Variants in FARS2 observed in about 807,000 individuals in gnomAD.
FARS2 encodes the protein phenylalanyl-tRNA synthetase 2, mitochondrial.
Under a neutral mutation model 46.4 loss-of-function variants are expected in FARS2, and 40 were observed. That is an observed-to-expected ratio of 0.86 (90% CI 0.67 to 1.12). The LOEUF (loss-of-function observed/expected upper bound fraction) is 1.12. Ranked by LOEUF, FARS2 falls within the 50% of genes most tolerant of loss-of-function variation. The pLI is 0.00. For missense variants in FARS2, 513 were observed against 567.9 expected (o/e 0.90, Z 0.98); for synonymous variants, 234 against 214.9 (o/e 1.09, Z -0.78).
chr6:5,443,745 G>T (rs958063227), intron 4 of FARS2, among the ~76,000 whole-genome samples: 1 of 152,216 alleles, frequency 6.6e-6, no homozygotes, highest in Non-Finnish European at 1.5e-5. Flanking sequence ...TTGATCAGCT[G>T]TAGCTGGCTG....
intron 6 of FARS2, among the ~76,000 whole-genome samples, chr6:5,736,682 A>ATT (rs1561830024): frequency 3.4e-4 from 52 of 151,746 alleles, no homozygotes; most frequent in African/African-American, 1.1e-3. Context: ...TTTTTTTTAA[A>ATT]AAATTGCATG....
In FARS2 at chr6:5,719,093, G is replaced by A. The variant is rs1316144818; in HGVS notation, c.1218-52198G>A. Among the ~76,000 whole-genome samples the A allele has an allele frequency of 5.9e-5, 9 of 152,228 alleles. No homozygotes were observed. In the South Asian group the frequency reaches 1.5e-3, roughly 25 times the overall value. The stretch of plus-strand genomic sequence containing the variant: ...TTTAGTTATGCTCATCTGAAGTAAA[G>A]GCTGCCTGACTGGGTGCAGTAGCTC... On this transcript the variant is annotated intron_variant, in intron 6 of 6. Coordinates refer to ENST00000274680, the MANE Select transcript of FARS2 (RefSeq NM_006567.5).
chr6:5,595,180 TTTC>T (rs1260829748), intron 5 of FARS2, among the ~76,000 whole-genome samples: 1 of 152,204 alleles, frequency 6.6e-6, no homozygotes, highest in Non-Finnish European at 1.5e-5. Context: ...TTTCTTCTTG[TTTC>T]TTCCTCTCTA....
chr6:5,291,072 A>G (rs371708532), intron 1 of FARS2: 1 of 152,234 alleles, frequency 6.6e-6, no homozygotes, highest in African/African-American at 2.4e-5. Context: ...TGAAGCATAT[A>G]GTGTATATAA....
intron 5 of FARS2, among the ~76,000 whole-genome samples, chr6:5,564,139 T>A (rs574595405): frequency 2.3e-4 from 35 of 152,304 alleles, no homozygotes; most frequent in Admixed American, 2.0e-3. Context: ...GTCCAATATT[T>A]CAGTTAGAAG....
chr6:5,269,176 A>G (rs1330849421), intron 1 of FARS2, among the ~76,000 whole-genome samples: 2 of 152,358 alleles, frequency 1.3e-5, no homozygotes, highest in South Asian at 2.1e-4. Context: ...GGATGAGTTC[A>G]TGCCCTTTGT....
chr6:5,763,236 G>T (rs987193207), intron 6 of FARS2, among the ~76,000 whole-genome samples: 1 of 152,170 alleles, frequency 6.6e-6, no homozygotes, highest in Non-Finnish European at 1.5e-5. Context: ...AGGATTGCTT[G>T]AGCCTAGGAG....
At chr6:5,745,053 A>G (rs2150956924) in intron 6 of FARS2, among the ~76,000 whole-genome samples, 1 of 152,360 alleles carries the variant, frequency 6.6e-6, no homozygotes, top group East Asian at 1.9e-4. Flanking sequence ...TCATGCCACA[A>G]TGAGCATCCA....
chr6:5,386,039 C>CTA (rs1760111918), intron 2 of FARS2, among the ~76,000 whole-genome samples: 2 of 152,100 alleles, frequency 1.3e-5, no homozygotes, highest in African/African-American at 2.4e-5. Context: ...AGTGTTGTTC[C>CTA]TATATATATA....
intron 3 of FARS2, among the ~76,000 whole-genome samples, chr6:5,430,826 C>T (rs1329607456): frequency 3.3e-5 from 5 of 152,064 alleles, no homozygotes; most frequent in African/African-American, 9.7e-5. Flanking sequence ...CCTGGAATTA[C>T]GCAAAGTGTT....
chr6:5,305,382 C>A (rs7765867), intron 1 of FARS2, among the ~76,000 whole-genome samples: 25,142 of 152,118 alleles, frequency 0.17, 4,972 homozygotes, highest in African/African-American at 0.48. Flanking sequence ...ACTACTTTAT[C>A]CTCATAGTCC....
intron 4 of FARS2, among the ~76,000 whole-genome samples, chr6:5,544,591 G>C (rs1770845273): frequency 6.6e-6 from 1 of 152,180 alleles, no homozygotes; most frequent in Non-Finnish European, 1.5e-5. Flanking sequence ...CTTTGGAGTA[G>C]GTGGTGCTAG....
At chr6:5,632,753 T>C (rs1012527033) in intron 6 of FARS2, among the ~76,000 whole-genome samples, 1 of 152,178 alleles carries the variant, frequency 6.6e-6, no homozygotes, top group Non-Finnish European at 1.5e-5. Context: ...GAACATCTTT[T>C]AATGTGCTTT....
At chr6:5,606,615 A>C (rs1160923697) in intron 5 of FARS2, among the ~76,000 whole-genome samples, 1 of 152,176 alleles carries the variant, frequency 6.6e-6, no homozygotes, top group Admixed American at 6.5e-5. Context: ...GTACCGCTGC[A>C]CTTTCATAGA....
intron 1 of FARS2, among the ~76,000 whole-genome samples, chr6:5,346,546 GT>G (rs1293844146): frequency 6.6e-6 from 1 of 152,128 alleles, no homozygotes; most frequent in Admixed American, 6.5e-5. Context: ...ATGCTCCGGA[GT>G]GTAGCATTGT....
intron 4 of FARS2, among the ~76,000 whole-genome samples, chr6:5,444,221 C>T (rs1764011155): frequency 6.6e-6 from 1 of 151,890 alleles, no homozygotes; most frequent in African/African-American, 2.4e-5. Context: ...GTAATCCGAG[C>T]ACTTTGGGAG....
chr6:5,441,420 T>C (rs9405833), intron 4 of FARS2, among the ~76,000 whole-genome samples: 60,561 of 152,080 alleles, frequency 0.4, 12,728 homozygotes, highest in Non-Finnish European at 0.46. Context: ...TTTTGTATTA[T>C]TACCTTGATT....
At chr6:5,468,614 C>T (rs144789016) in intron 4 of FARS2, among the ~76,000 whole-genome samples, 106 of 152,306 alleles carry the variant, frequency 7.0e-4, no homozygotes, top group Non-Finnish European at 1.3e-3. Flanking sequence ...GGTAATGACA[C>T]TATTCTAATG....
chr6:5,564,215 TG>T lies in FARS2; in HGVS notation c.1065+18878del, dbSNP rs375822329. 3.2e-3 allele frequency among the ~76,000 whole-genome samples: 483 copies of T among 152,306 alleles called. 1 individual carries two copies. Among genetic ancestry groups the T allele is most frequent in the Middle Eastern group, 0.01 (3 of 294 alleles). On this transcript the variant is annotated intron_variant, in intron 5 of 6. Coordinates refer to ENST00000274680, the MANE Select transcript of FARS2 (RefSeq NM_006567.5). ...GACAGCAATTCCCACAAGTGTGGTGTGGGTAGGTAATTTCCATCTAAAATTT... is the reference window on the plus strand; with the variant it reads ...GACAGCAATTCCCACAAGTGTGGTGTGGTAGGTAATTTCCATCTAAAATTT...
Sources: gnomAD v4.1 joint callset for allele counts (sites outside exome capture counted in the v4.1 genomes callset) on GRCh38, gnomAD v4.1.1 for gene constraint, MANE v1.5 for transcripts, NCBI Gene and HGNC (gene_info 2026-07-23, HGNC 2026-07-21) for gene names.